ZMAT5: variants seen among roughly 807,000 people sequenced by gnomAD.
The protein encoded by ZMAT5 is zinc finger matrin-type 5.
ZMAT5 carries 23 observed loss-of-function variants against 28.0 expected under a neutral mutation model. The observed-to-expected ratio is 0.82, with a 90% CI of 0.59 to 1.16. The LOEUF (loss-of-function observed/expected upper bound fraction) is 1.16, where lower values mean the gene tolerates loss of function less well. ZMAT5 is among the 50% of genes most tolerant of loss of function. The pLI is 0.00. For synonymous variants in ZMAT5, 76 were observed against 84.1 expected, an observed-to-expected ratio of 0.90 and a Z score of 0.52; for missense variants, 173 against 212.7, an observed-to-expected ratio of 0.81 and a Z score of 1.16.
At chr22:29,745,182 C>T (rs759391928) in intron 2 of ZMAT5, among the ~76,000 whole-genome samples, 1 of 152,180 alleles carries the variant, frequency 6.6e-6, no homozygotes, top group African/African-American at 2.4e-5. Context: ...AGCCAAACGA[C>T]CTGACCCGTT....
chr22:29,737,990 G>A (rs1273244069), intron 5 of ZMAT5, among the ~76,000 whole-genome samples: 1 of 151,996 alleles, frequency 6.6e-6, no homozygotes. Flanking sequence ...AGGCCCTAGA[G>A]GCAACAGTGG....
intron 1 of ZMAT5, among the ~76,000 whole-genome samples, chr22:29,753,220 A>C (rs578042963): frequency 6.6e-6 from 1 of 152,318 alleles, no homozygotes; most frequent in South Asian, 2.1e-4. Flanking sequence ...TCCTGCTATG[A>C]AAACTGGGAT....
At chr22:29,745,777 C>T (rs1871002315) in intron 2 of ZMAT5, among the ~76,000 whole-genome samples, 1 of 152,238 alleles carries the variant, frequency 6.6e-6, no homozygotes, top group Non-Finnish European at 1.5e-5. Context: ...GGGGACGTGG[C>T]CCAGGCCAAG....
intron 1 of ZMAT5, among the ~76,000 whole-genome samples, chr22:29,756,206 C>T (rs1442499772): frequency 6.6e-6 from 1 of 152,216 alleles, no homozygotes; most frequent in Non-Finnish European, 1.5e-5. Context: ...CAGTAAACCA[C>T]AGCCAGAGGA....
At chr22:29,753,530 G>GA (rs1018185100) in intron 1 of ZMAT5, among the ~76,000 whole-genome samples, 13 of 146,540 alleles carry the variant, frequency 8.9e-5, no homozygotes, top group South Asian at 6.6e-4. Context: ...ATCTGAAAAA[G>GA]AAAAAAAAAA....
intron 1 of ZMAT5, among the ~76,000 whole-genome samples, chr22:29,759,449 A>G (rs532067071): frequency 6.6e-6 from 1 of 152,218 alleles, no homozygotes; most frequent in African/African-American, 2.4e-5. Flanking sequence ...AAAATTTTCC[A>G]TGGCTTCCAA....
intron 1 of ZMAT5, among the ~76,000 whole-genome samples, chr22:29,763,164 G>T (rs113292646): frequency 1.3e-5 from 2 of 151,912 alleles, no homozygotes; most frequent in African/African-American, 4.8e-5. Flanking sequence ...GTGGTGGCAG[G>T]TGCCTGTAAT....
At chr22:29,761,550 A>G (rs1043082447) in intron 1 of ZMAT5, among the ~76,000 whole-genome samples, 1 of 151,926 alleles carries the variant, frequency 6.6e-6, no homozygotes, top group Non-Finnish European at 1.5e-5. Flanking sequence ...CCAAGATTGC[A>G]CCACTGCACT....
At chr22:29,762,323 T>C (rs1427165125) in intron 1 of ZMAT5, among the ~76,000 whole-genome samples, 2 of 152,238 alleles carry the variant, frequency 1.3e-5, no homozygotes, top group Admixed American at 6.5e-5. Flanking sequence ...TTGAAATACA[T>C]GGCTTAAAGC....
Position 29,754,784 on chromosome 22 carries a change from G to A in ZMAT5, c.-27-6213C>T, listed in dbSNP as rs754767762. On this transcript the variant is annotated intron_variant, in intron 1 of 5. Coordinates refer to ENST00000344318, the MANE Select transcript of ZMAT5 (RefSeq NM_001003692.2). ...AGCTATTTGAGAGGCTGAGGTGGGA[G>A]GATAGCTTGAGCCCAAGGAGGTCAA... Among the ~76,000 whole-genome samples, 34 of 152,252 alleles carry A rather than the reference G, an allele frequency of 2.2e-4. 1 individual carries two copies. Among genetic ancestry groups the A allele is most frequent in the Non-Finnish European group, 4.4e-4 (30 of 68,012 alleles).
intron 5 of ZMAT5, among the ~76,000 whole-genome samples, chr22:29,735,537 C>G (rs1288771631): frequency 6.6e-6 from 1 of 152,268 alleles, no homozygotes; most frequent in Non-Finnish European, 1.5e-5. Context: ...CACACAGAGC[C>G]TTGGGCCAGC....
At chr22:29,755,543 C>T (rs1430743070) in intron 1 of ZMAT5, among the ~76,000 whole-genome samples, 3 of 151,992 alleles carry the variant, frequency 2.0e-5, no homozygotes, top group Non-Finnish European at 2.9e-5. Context: ...ATTTGATTCC[C>T]GCTTGCTTGG....
chr22:29,731,211 C>G lies in ZMAT5; in HGVS notation c.*14G>C. ...GAAAAGTGACCACGTGGGGGTCAGT[C>G]GGGGGCAAGGGGCTCAGCCCCACTG... On this transcript the variant is annotated 3_prime_UTR_variant, in exon 6 of 6. Coordinates refer to ENST00000344318, the MANE Select transcript of ZMAT5 (RefSeq NM_001003692.2). 5 of 1,485,854 alleles carry G rather than the reference C, an allele frequency of 3.4e-6. No homozygotes were observed. The highest frequency in any genetic ancestry group is 4.4e-6 in the Non-Finnish European group (5 of 1,127,678). 92.0% of individuals were successfully genotyped at this position (1,485,854 alleles called of 1,614,324 possible).
chr22:29,738,989 C>T (rs931643602), intron 4 of ZMAT5, among the ~76,000 whole-genome samples: 8 of 149,858 alleles, frequency 5.3e-5, no homozygotes, highest in African/African-American at 1.7e-4. Context: ...CCAACCTGGG[C>T]GGCAAGAGTG....
intron 1 of ZMAT5, among the ~76,000 whole-genome samples, chr22:29,762,346 C>T (rs1460265758): frequency 2.6e-5 from 4 of 152,218 alleles, no homozygotes; most frequent in African/African-American, 9.7e-5. Flanking sequence ...GGGACCCCAA[C>T]CCCCAGGCCC....
chr22:29,752,432 T>C (rs185948301), intron 1 of ZMAT5, among the ~76,000 whole-genome samples: 1 of 152,290 alleles, frequency 6.6e-6, no homozygotes, highest in African/African-American at 2.4e-5. Flanking sequence ...TTCATCACCT[T>C]GTCAGCCTCA....
At chr22:29,734,929 G>A (rs543287301) in intron 5 of ZMAT5, among the ~76,000 whole-genome samples, 106 of 152,296 alleles carry the variant, frequency 7.0e-4, no homozygotes, top group African/African-American at 2.5e-3. Context: ...GCTGTGTGGA[G>A]GATCCCCCGC....
intron 1 of ZMAT5, among the ~76,000 whole-genome samples, chr22:29,752,511 C>A (rs555999222): frequency 6.6e-6 from 1 of 152,076 alleles, no homozygotes; most frequent in Admixed American, 6.6e-5. Flanking sequence ...GAGAAGTGTT[C>A]GGCCATCCTG....
chr22:29,736,750 C>A (rs1233197263), intron 5 of ZMAT5, among the ~76,000 whole-genome samples: 1 of 128,946 alleles, frequency 7.8e-6, no homozygotes. Flanking sequence ...AAAGGCTGGG[C>A]GCGGTGGCTG....
Sources: gnomAD v4.1 joint callset for allele counts (sites outside exome capture counted in the v4.1 genomes callset) on GRCh38, gnomAD v4.1.1 for gene constraint, MANE v1.5 for transcripts, NCBI Gene and HGNC (gene_info 2026-07-23, HGNC 2026-07-21) for gene names.